The following OTUD3 variants were observed in gnomAD, a reference collection of about 807,000 sequenced individuals.
OTUD3 encodes OTU domain-containing protein 3.
A neutral mutation model predicts 46.2 loss-of-function variants in OTUD3; 24 were observed. That is an observed-to-expected ratio of 0.52 (90% CI 0.38 to 0.73). The LOEUF (loss-of-function observed/expected upper bound fraction) is 0.73, where lower values mean the gene tolerates loss of function less well. Ranked by LOEUF, OTUD3 falls within the 30% of genes least tolerant of loss-of-function variation. The pLI, the probability that OTUD3 is intolerant of heterozygous loss-of-function variation, is 0.00. For synonymous variants in OTUD3, 189 were observed against 195.4 expected (o/e 0.97, Z 0.27); for missense variants, 455 against 523.3 (o/e 0.87, Z 1.27).
chr1:19,904,434 C>G (rs373658430), intron 5 of OTUD3, 36 bp downstream of exon 5: 4 of 1,588,908 alleles, frequency 2.5e-6, no homozygotes, highest in Admixed American at 1.8e-5. Flanking sequence ...GATTTAGAAG[C>G]AAGCATTGCT....
chr1:19,896,835 T>A (rs1438130776), intron 3 of OTUD3, among the ~76,000 whole-genome samples: 1 of 152,212 alleles, frequency 6.6e-6, no homozygotes, highest in East Asian at 1.9e-4. Context: ...CCCATTCTTG[T>A]GCTGTGTGTC....
At position 19,909,197 on chromosome 1, in the gene OTUD3, T is replaced by G. The variant is rs1407888771; in HGVS notation, c.*1451T>G. 6.9e-6 allele frequency: 1 copy of G among 145,616 alleles called. No individual in the cohort carries two copies. Among genetic ancestry groups the G allele is most frequent in the Non-Finnish European group, 1.5e-5 (1 of 67,982 alleles). 9.0% of individuals were successfully genotyped at this position (145,616 alleles called of 1,614,324 possible). A position where few individuals can be genotyped will look rare whatever the true frequency, so the allele number is the denominator to read the frequency against. On this transcript the variant is annotated 3_prime_UTR_variant, in exon 8 of 8. Transcript: ENST00000375120. ...GAGGCAAATTGAAAACTAAAATGTT[T>G]GGTAGGCCCTGGAGTCGCCAGATTG...
intron 4 of OTUD3, among the ~76,000 whole-genome samples, chr1:19,903,040 CTTTTTTTTTTT>C (rs36114504): frequency 3.4e-5 from 2 of 58,052 alleles, no homozygotes; most frequent in South Asian, 1.8e-3. Context: ...AATCTTTTCT[CTTTTTTTTTTT>C]TTTTTTTTTT....
At chr1:19,892,692 A>G (rs1337857127) in intron 2 of OTUD3, among the ~76,000 whole-genome samples, 2 of 152,122 alleles carry the variant, frequency 1.3e-5, no homozygotes, top group African/African-American at 4.8e-5. Flanking sequence ...TTTCACTGCT[A>G]CTACCCCGTA....
chr1:19,891,896 G>A (rs1308803573), intron 2 of OTUD3, among the ~76,000 whole-genome samples: 1 of 152,234 alleles, frequency 6.6e-6, no homozygotes, highest in Admixed American at 6.5e-5. Context: ...TTACTGGATA[G>A]TCAGCAGTTT....
At chr1:19,902,753 TTTCAGTTAC>T (rs2045608082) in intron 4 of OTUD3, among the ~76,000 whole-genome samples, 1 of 152,190 alleles carries the variant, frequency 6.6e-6, no homozygotes. Flanking sequence ...GATTCTCTTG[TTTCAGTTAC>T]AGAATTATAT....
Position 19,882,574 on chromosome 1 carries a change from G to A in OTUD3, c.61G>A (p.Glu21Lys). The A allele has an allele frequency of 7.2e-7, 1 of 1,393,820 alleles. No homozygotes were observed. Among genetic ancestry groups the A allele is most frequent in the Non-Finnish European group, 9.3e-7 (1 of 1,080,408 alleles). 86.3% of individuals were successfully genotyped at this position (1,393,820 alleles called of 1,614,324 possible). ...PGSGSRKAEAERKRDERAARR... is the reference protein window; with the variant it reads ...PGSGSRKAEAKRKRDERAARR... ...CAGCGGCAGCCGGAAAGCCGAGGCCGAGCGCAAGCGGGACGAGCGGGCGGC... is the reference window on the plus strand; with the variant it reads ...CAGCGGCAGCCGGAAAGCCGAGGCCAAGCGCAAGCGGGACGAGCGGGCGGC... The change falls in exon 1 of 8, where the codon GAG becomes AAG. Residue 21 changes from glutamate to lysine, a missense_variant. Physicochemically the swap from Glu to Lys is moderately conservative, Grantham distance 56. Coordinates refer to ENST00000375120, the MANE Select transcript of OTUD3 (RefSeq NM_015207.2).
intron 1 of OTUD3, among the ~76,000 whole-genome samples, chr1:19,885,941 G>A (rs1343498992): frequency 3.3e-5 from 5 of 152,162 alleles, no homozygotes; most frequent in African/African-American, 1.2e-4. Flanking sequence ...TAGCATTCTG[G>A]AACCTGAGGG....
chr1:19,906,623 A>T lies in OTUD3; in HGVS notation c.1020+7A>T. On this transcript the variant is annotated splice_region_variant and intron_variant, in intron 7 of 7. Transcript: ENST00000375120. ...TAAAAACCAGCTCGCAAAGGTATGT[A>T]AGATGGGGTTGAATGGGCAGGTGGT... The T allele has an allele frequency of 6.2e-7, 1 of 1,600,816 alleles. No individual in the cohort carries two copies. Among genetic ancestry groups the T allele is most frequent in the Non-Finnish European group, 8.5e-7 (1 of 1,172,888 alleles).
chr1:19,906,366 T>G (rs1285753651), intron 6 of OTUD3, 66 bp from the exon 7 acceptor site: 73 of 1,451,832 alleles, frequency 5.0e-5, no homozygotes, highest in Non-Finnish European at 6.8e-5. Context: ...TTGGAATCAT[T>G]AATACAGTCA....
intron 1 of OTUD3, among the ~76,000 whole-genome samples, chr1:19,888,901 CT>C (rs976143611): frequency 1.8e-4 from 27 of 152,300 alleles, no homozygotes; most frequent in African/African-American, 6.5e-4. Flanking sequence ...TCTACACCTA[CT>C]TTTTTGGAGA....
At chr1:19,899,525 G>A (rs2045559912) in intron 4 of OTUD3, among the ~76,000 whole-genome samples, 1 of 152,238 alleles carries the variant, frequency 6.6e-6, no homozygotes, top group East Asian at 1.9e-4. Flanking sequence ...GTCACTTACT[G>A]ATGGACTTTT....
Position 19,908,445 on chromosome 1 carries a change from G to T in OTUD3, c.*699G>T, listed in dbSNP as rs1386438584. 1.3e-5 allele frequency: 2 copies of T among 152,310 alleles called. No individual in the cohort carries two copies. Among genetic ancestry groups the T allele is most frequent in the African/African-American group, 4.8e-5 (2 of 41,430 alleles). The allele number at this position is 152,310 out of a possible 1,614,324, so 9.4% of individuals were successfully genotyped here. On this transcript the variant is annotated 3_prime_UTR_variant, in exon 8 of 8. Transcript: ENST00000375120. ...ATAAATGCAGCTGACTGTTAATTAG[G>T]CCTGGCCTTGTTGGGAAGTTGATAG... is the stretch of plus-strand genomic sequence containing the variant.
At chr1:19,884,243 T>C (rs2045323683) in intron 1 of OTUD3, among the ~76,000 whole-genome samples, 2 of 152,178 alleles carry the variant, frequency 1.3e-5, no homozygotes, top group Admixed American at 6.5e-5. Context: ...GTATTCTCAA[T>C]GTCAGGGTGC....
Position 19,882,700 on chromosome 1 carries a change from C to T in OTUD3, c.187C>T (p.Leu63=), listed in dbSNP as rs1361552128. 4 of 1,427,748 alleles carry T rather than the reference C, an allele frequency of 2.8e-6. No homozygotes were observed. Among genetic ancestry groups the T allele is most frequent in the South Asian group, 1.5e-5 (1 of 68,740 alleles). 88.4% of individuals were successfully genotyped at this position (1,427,748 alleles called of 1,614,324 possible). Residue 63 remains leucine (L), a synonymous_variant, in exon 1 of 8, where the codon CTG becomes TTG. Transcript: ENST00000375120. Reference sequence around the variant, plus strand: ...CAGCTTCGCCAACCAGCTGCAGGCCCTGGGGCTGAAGCTGCGGGAGGTGCC... The same window carrying T: ...CAGCTTCGCCAACCAGCTGCAGGCCTTGGGGCTGAAGCTGCGGGAGGTGCC... The part of the protein sequence containing the change: ...FVSFANQLQA[L]GLKLREVPGD...
chr1:19,899,308 T>G (rs1449163634), intron 4 of OTUD3, among the ~76,000 whole-genome samples: 4 of 152,178 alleles, frequency 2.6e-5, no homozygotes. Flanking sequence ...TGTGCACATA[T>G]TCCACTTTTG....
Position 19,890,367 on chromosome 1 carries a change from GTGT to G in OTUD3, c.222-10_222-8del. The stretch of plus-strand genomic sequence containing the variant: ...GTTCATTTTTGAAAGGTCTTGACTC[GTGT>G]TGTTGTTTTGACAGCAATTGCTTGT... On this transcript the variant is annotated splice_polypyrimidine_tract_variant and intron_variant, in intron 1 of 7. Coordinates refer to ENST00000375120, the MANE Select transcript of OTUD3 (RefSeq NM_015207.2). The G allele has an allele frequency of 6.2e-7, 1 of 1,612,030 alleles. No homozygotes were observed. Among genetic ancestry groups the G allele is most frequent in the South Asian group, 1.1e-5 (1 of 91,024 alleles).
At chr1:19,885,953 G>T (rs1216929625) in intron 1 of OTUD3, among the ~76,000 whole-genome samples, 3 of 152,178 alleles carry the variant, frequency 2.0e-5, no homozygotes, top group Non-Finnish European at 4.4e-5. Context: ...ACCTGAGGGG[G>T]TTTAGGGATG....
Position 19,907,662 on chromosome 1 carries a change from T to G in OTUD3, c.1113T>G (p.Gly371=). 1 of 1,614,010 alleles carries G rather than the reference T, an allele frequency of 6.2e-7. No homozygotes were observed. The highest frequency in any genetic ancestry group is 8.5e-7 in the Non-Finnish European group (1 of 1,180,002). The change falls in exon 8 of 8, where the codon GGT becomes GGG. Residue 371 remains glycine (G), a synonymous_variant. Transcript: ENST00000375120. The stretch of plus-strand genomic sequence containing the variant: ...GCCACAAAGCCCTGGAGAGCAGAGG[T>G]AGCCACAGGGACAATAACAGAAGCG... The part of the protein sequence containing the change: ...RHRHKALESR[G]SHRDNNRSEA...
Sources: gnomAD v4.1 joint callset for allele counts (sites outside exome capture counted in the v4.1 genomes callset) on GRCh38, gnomAD v4.1.1 for gene constraint, MANE v1.5 for transcripts, NCBI Gene and HGNC (gene_info 2026-07-23, HGNC 2026-07-21) for gene names.